The following FAM135B variants were observed in gnomAD, a reference collection of about 807,000 sequenced individuals.
The protein encoded by FAM135B is protein FAM135B.
In FAM135B, 43 loss-of-function variants were observed where a neutral mutation model predicts 127.7. That is an observed-to-expected ratio of 0.34 (90% confidence interval 0.26 to 0.43). FAM135B has a LOEUF of 0.43. Ranked by LOEUF, FAM135B falls within the 20% of genes least tolerant of loss-of-function variation. FAM135B has a pLI of 1.00. For synonymous variants in FAM135B, 670 were observed against 665.1 expected (o/e 1.01, Z -0.11); for missense variants, 1,558 against 1,725.6 (o/e 0.90, Z 1.72).
At chr8:138,405,801 A>C (rs2131380689) in intron 1 of FAM135B, among the ~76,000 whole-genome samples, 1 of 152,038 alleles carries the variant, frequency 6.6e-6, no homozygotes, top group South Asian at 2.1e-4. Context: ...TGACTTCCAC[A>C]ATGGTTGAAC....
At chr8:138,198,931 C>T (rs879770030) in intron 7 of FAM135B, among the ~76,000 whole-genome samples, 14 of 152,276 alleles carry the variant, frequency 9.2e-5, no homozygotes, top group South Asian at 4.2e-4. Context: ...TTCACATGGC[C>T]GTGACGGGAG....
chr8:138,428,548 A>G (rs1458136325), intron 1 of FAM135B, among the ~76,000 whole-genome samples: 1 of 152,114 alleles, frequency 6.6e-6, no homozygotes, highest in Admixed American at 6.6e-5. Context: ...TGATTCCTCA[A>G]TTTGCAGGTG....
intron 9 of FAM135B, among the ~76,000 whole-genome samples, chr8:138,189,618 G>GA (rs1815927193): frequency 2.0e-5 from 3 of 152,132 alleles, no homozygotes; most frequent in Admixed American, 6.5e-5. Context: ...GGCCCACATG[G>GA]ACTTTTGCCC....
At chr8:138,267,223 T>C (rs189532777) in intron 3 of FAM135B, among the ~76,000 whole-genome samples, 173 of 152,230 alleles carry the variant, frequency 1.1e-3, no homozygotes, top group African/African-American at 4.1e-3. Context: ...TTTCCCACCA[T>C]GCAAGGATAC....
chr8:138,160,010 A>G (rs1819200543), intron 12 of FAM135B, among the ~76,000 whole-genome samples: 1 of 152,162 alleles, frequency 6.6e-6, no homozygotes, highest in African/African-American at 2.4e-5. Context: ...TACTAGCCTG[A>G]TTTCTGGGAA....
intron 2 of FAM135B, among the ~76,000 whole-genome samples, chr8:138,353,561 T>G (rs1203239884): frequency 6.6e-6 from 1 of 152,188 alleles, no homozygotes; most frequent in African/African-American, 2.4e-5. Flanking sequence ...AATTGTGAAT[T>G]TTCTCTTTAG....
intron 1 of FAM135B, chr8:138,439,189 T>C (rs1835625069): frequency 6.6e-6 from 1 of 152,184 alleles, no homozygotes; most frequent in Non-Finnish European, 1.5e-5. Context: ...TGAAAATCTT[T>C]GAGGAGGCTC....
At chr8:138,155,112 C>CA (rs1818591167) in intron 12 of FAM135B, among the ~76,000 whole-genome samples, 1 of 152,220 alleles carries the variant, frequency 6.6e-6, no homozygotes, top group East Asian at 1.9e-4. Context: ...AACAACTCTA[C>CA]AAGCCAGAAG....
intron 2 of FAM135B, among the ~76,000 whole-genome samples, chr8:138,349,975 T>G (rs1829668865): frequency 6.6e-6 from 1 of 152,198 alleles, no homozygotes; most frequent in Non-Finnish European, 1.5e-5. Flanking sequence ...ACACAATTTT[T>G]TGTCCACAAA....
At chr8:138,485,503 G>A (rs1021501067) in intron 1 of FAM135B, among the ~76,000 whole-genome samples, 5 of 152,170 alleles carry the variant, frequency 3.3e-5, no homozygotes, top group African/African-American at 1.2e-4. Flanking sequence ...TATGTGCCAA[G>A]TATTACAATA....
At chr8:138,471,748 A>C (rs1435562253) in intron 1 of FAM135B, among the ~76,000 whole-genome samples, 1 of 152,212 alleles carries the variant, frequency 6.6e-6, no homozygotes, top group Non-Finnish European at 1.5e-5. Flanking sequence ...TGGGATTTGC[A>C]TTTACCATAA....
In FAM135B at chr8:138,136,084, C is replaced by T. The variant is rs531141009; in HGVS notation, c.4015+1063G>A. Among the ~76,000 whole-genome samples, 7 of 151,774 alleles carry T rather than the reference C, an allele frequency of 4.6e-5. No homozygotes were observed. In the South Asian group the frequency reaches 1.5e-3, roughly 32 times the overall value. On this transcript the variant is annotated intron_variant, in intron 19 of 19. Transcript: ENST00000395297. ...AAAAAGAATCATTTTAGAATATGCC[C>T]TGTGTTACTTTTCATTACATATACT... is the stretch of plus-strand genomic sequence containing the variant.
chr8:138,186,586 A>T (rs2131045074), intron 9 of FAM135B, among the ~76,000 whole-genome samples: 1 of 152,170 alleles, frequency 6.6e-6, no homozygotes, highest in African/African-American at 2.4e-5. Flanking sequence ...TTACCAAACC[A>T]AGGAGTAGGC....
chr8:138,242,164 TTTGTG>T lies in FAM135B; in HGVS notation c.669+773_669+777del, dbSNP rs1245383278. ...GAGTCAATTACTTATGATAAATCTC[TTTGTG>T]TGTGTGTGTGTGTGTGTGTGTGTGT... is the stretch of plus-strand genomic sequence containing the variant. On this transcript the variant is annotated intron_variant, in intron 7 of 19. Coordinates refer to ENST00000395297, the MANE Select transcript of FAM135B (RefSeq NM_015912.4). The surrounding 1 kb of genome is among the most constrained non-coding windows in gnomAD (Gnocchi z 9.6). Among the ~76,000 whole-genome samples, 1 of 135,208 alleles carries T rather than the reference TTTGTG, an allele frequency of 7.4e-6. No homozygotes were observed. Among genetic ancestry groups the T allele is most frequent in the Non-Finnish European group, 1.6e-5 (1 of 63,844 alleles). 88.7% of individuals were successfully genotyped at this position (135,208 alleles called of 152,430 possible).
At chr8:138,390,492 T>C (rs116446892) in intron 1 of FAM135B, among the ~76,000 whole-genome samples, 3,098 of 152,290 alleles carry the variant, frequency 0.02, 104 homozygotes, top group African/African-American at 0.069. Flanking sequence ...TTTTTCTTTA[T>C]AAATTACCTA....
In FAM135B at chr8:138,422,256, C is replaced by T. The variant is rs954320152; in HGVS notation, c.-19-54254G>A. ...ACTCTAAAAGCAATTATAACAAAAA[C>T]TAAAATAGGCAAGTGGGACCTCACT... On this transcript the variant is annotated intron_variant, in intron 1 of 19. Transcript: ENST00000395297. 3.3e-5 allele frequency among the ~76,000 whole-genome samples: 5 copies of T among 152,204 alleles called. No homozygotes were observed. The East Asian group carries it at 9.6e-4, about 29-fold the overall frequency.
intron 12 of FAM135B, among the ~76,000 whole-genome samples, chr8:138,153,959 T>C (rs575110377): frequency 5.9e-5 from 9 of 152,224 alleles, no homozygotes; most frequent in African/African-American, 1.9e-4. Flanking sequence ...AGCACGGAGT[T>C]TGAAATCTGA....
chr8:138,403,560 A>C (rs1833276095), intron 1 of FAM135B, among the ~76,000 whole-genome samples: 1 of 152,212 alleles, frequency 6.6e-6, no homozygotes, highest in African/African-American at 2.4e-5. Flanking sequence ...TCTATAAAAA[A>C]TTCATAAATG....
intron 2 of FAM135B, among the ~76,000 whole-genome samples, chr8:138,312,898 C>T (rs1393012059): frequency 6.6e-6 from 1 of 152,094 alleles, no homozygotes; most frequent in African/African-American, 2.4e-5. Context: ...ATACATATGC[C>T]CATGTGATTT....
Sources: allele counts gnomAD v4.1 joint callset (sites outside exome capture counted in the v4.1 genomes callset), GRCh38; gene constraint gnomAD v4.1.1; non-coding constraint Gnocchi (gnomAD v3.1); transcripts MANE v1.5; gene names NCBI Gene and HGNC (gene_info 2026-07-23, HGNC 2026-07-21).